Variants in ADAMTS17 observed in about 807,000 individuals in gnomAD.
The protein encoded by ADAMTS17 is A disintegrin and metalloproteinase with thrombospondin motifs 17.
Under a neutral mutation model 141.5 loss-of-function variants are expected in ADAMTS17, and 113 were observed. That is an observed-to-expected ratio of 0.80 (90% confidence interval 0.69 to 0.93). ADAMTS17 has a LOEUF of 0.93. ADAMTS17 is among the 40% of genes least tolerant of loss of function. ADAMTS17 has a pLI of 0.00. For missense variants in ADAMTS17, 1,659 were observed against 1,517.9 expected (o/e 1.09, Z -1.54); for synonymous variants, 768 against 630.6 (o/e 1.22, Z -3.27).
In ADAMTS17 at chr15:100,093,766, GCTGT is replaced by G. The variant is rs538400389; in HGVS notation, c.2137+2586_2137+2589del. 5.3e-3 allele frequency among the ~76,000 whole-genome samples: 810 copies of G among 152,284 alleles called. 3 individuals carry two copies. Among genetic ancestry groups the G allele is most frequent in the South Asian group, 0.027 (132 of 4,814 alleles). ...CCACCTCATGCTCACATAGGCTGAT[GCTGT>G]CTGTTTGCCCGGGGGTCCCCTCCCT... On this transcript the variant is annotated intron_variant, in intron 15 of 21. Coordinates refer to ENST00000268070, the MANE Select transcript of ADAMTS17 (RefSeq NM_139057.4).
At chr15:100,234,367 A>G (rs1438567606) in intron 7 of ADAMTS17, among the ~76,000 whole-genome samples, 2 of 152,176 alleles carry the variant, frequency 1.3e-5, no homozygotes, top group Non-Finnish European at 2.9e-5. Flanking sequence ...CGCCTGGCAT[A>G]TGGTAGTCCA....
In ADAMTS17 at chr15:99,976,362, C is replaced by A. The variant is rs543255276; in HGVS notation, c.2950-140G>T. The stretch of plus-strand genomic sequence containing the variant: ...TCAGGGGGCTGGGATGATGGCCTCA[C>A]AATGTGGCACTGCGGAGACAGGACA... On this transcript the variant is annotated intron_variant, in intron 20 of 21. Transcript: ENST00000268070. 398 of 1,075,810 alleles carry A rather than the reference C, an allele frequency of 3.7e-4. 2 individuals are homozygous for A. Among genetic ancestry groups the A allele is most frequent in the Non-Finnish European group, 4.7e-4 (346 of 731,802 alleles). The allele number at this position is 1,075,810 out of a possible 1,614,324, so 66.6% of individuals were successfully genotyped here. A position where few individuals can be genotyped will look rare whatever the true frequency, so the allele number is the denominator to read the frequency against.
intron 3 of ADAMTS17, among the ~76,000 whole-genome samples, chr15:100,294,200 A>C (rs1253764481): frequency 6.6e-6 from 1 of 152,186 alleles, no homozygotes; most frequent in East Asian, 1.9e-4. Flanking sequence ...GCTGTTAATT[A>C]TTAGGGTCTA....
intron 8 of ADAMTS17, among the ~76,000 whole-genome samples, chr15:100,188,278 T>C (rs894165919): frequency 2.0e-5 from 3 of 151,942 alleles, no homozygotes; most frequent in African/African-American, 7.3e-5. Context: ...GGTTTCTCCA[T>C]GTTGGTCAGG....
At chr15:100,206,900 A>C (rs2041591396) in intron 7 of ADAMTS17, among the ~76,000 whole-genome samples, 1 of 152,168 alleles carries the variant, frequency 6.6e-6, no homozygotes, top group Non-Finnish European at 1.5e-5. Flanking sequence ...CAGTTATTAG[A>C]GCAGCCACAG....
rs139017850 is a variant in ADAMTS17, at chr15:100,108,843, G to A, written c.2016+146C>T. 8.6e-4 allele frequency: 1,185 copies of A among 1,375,244 alleles called. 5 individuals are homozygous for A. Among genetic ancestry groups the A allele is most frequent in the African/African-American group, 7.0e-3 (495 of 70,376 alleles). The allele number at this position is 1,375,244 out of a possible 1,614,324, so 85.2% of individuals were successfully genotyped here. A position where few individuals can be genotyped will look rare whatever the true frequency, so the allele number is the denominator to read the frequency against. ...GGTTGGTGCACCAGGCAACACTGGC[G>A]GCAGGAGGCGGCATCACTGGGTGCC... is the stretch of plus-strand genomic sequence containing the variant. On this transcript the variant is annotated intron_variant, in intron 14 of 21. Transcript: ENST00000268070.
chr15:100,332,244 GA>G (rs953572856), intron 2 of ADAMTS17, among the ~76,000 whole-genome samples: 10 of 152,362 alleles, frequency 6.6e-5, no homozygotes, highest in African/African-American at 2.4e-4. Context: ...CCTTCAAAGT[GA>G]AAACTTGAGT....
chr15:100,292,948 AC>A (rs1449943252), intron 3 of ADAMTS17, among the ~76,000 whole-genome samples: 1 of 152,228 alleles, frequency 6.6e-6, no homozygotes, highest in Non-Finnish European at 1.5e-5. Context: ...GGAAGACCCC[AC>A]AGAGGGACCA....
intron 18 of ADAMTS17, among the ~76,000 whole-genome samples, chr15:100,036,138 A>G (rs539634211): frequency 6.6e-6 from 1 of 152,234 alleles, no homozygotes; most frequent in South Asian, 2.1e-4. Flanking sequence ...TCTTTGTCAG[A>G]GTCTTTGGGA....
At chr15:100,163,021 T>C (rs1456672079) in intron 8 of ADAMTS17, among the ~76,000 whole-genome samples, 1 of 146,322 alleles carries the variant, frequency 6.8e-6, no homozygotes, top group African/African-American at 2.5e-5. Flanking sequence ...TATATAACTA[T>C]ATATGTATAT....
At chr15:100,068,468 T>G (rs373691582) in intron 15 of ADAMTS17, among the ~76,000 whole-genome samples, 1 of 152,226 alleles carries the variant, frequency 6.6e-6, no homozygotes, top group South Asian at 2.1e-4. Flanking sequence ...AGTGGGTCCC[T>G]GACCCCTGAG....
chr15:100,184,981 T>C (rs1171090423), intron 8 of ADAMTS17, among the ~76,000 whole-genome samples: 1 of 152,232 alleles, frequency 6.6e-6, no homozygotes, highest in African/African-American at 2.4e-5. Flanking sequence ...AATTCAGACA[T>C]GCTCCTCAGT....
chr15:100,284,316 A>G (rs1166995738), intron 3 of ADAMTS17, among the ~76,000 whole-genome samples: 1 of 152,204 alleles, frequency 6.6e-6, no homozygotes, highest in African/African-American at 2.4e-5. Context: ...GGTTTTCACA[A>G]GCTTCCACTA....
At position 99,976,305 on chromosome 15, in the gene ADAMTS17, A is replaced by G. The variant is rs980138588; in HGVS notation, c.2950-83T>C. On this transcript the variant is annotated intron_variant, in intron 20 of 21. Coordinates refer to ENST00000268070, the MANE Select transcript of ADAMTS17 (RefSeq NM_139057.4). Reference sequence around the variant, plus strand: ...GGCCTCACAATGTGGCACTGCGGAGACAGGACAGCCTGAGTGGGGGCCTAC... The same window carrying G: ...GGCCTCACAATGTGGCACTGCGGAGGCAGGACAGCCTGAGTGGGGGCCTAC... The G allele has an allele frequency of 7.3e-6, 11 of 1,504,274 alleles. No individual in the cohort carries two copies. In the Admixed American group the frequency reaches 2.0e-4, roughly 27 times the overall value. The allele number at this position is 1,504,274 out of a possible 1,614,324, so 93.2% of individuals were successfully genotyped here. A position where few individuals can be genotyped will look rare whatever the true frequency, so the allele number is the denominator to read the frequency against.
rs75461239 is a variant in ADAMTS17, at chr15:100,229,126, A to G, written c.1075+25010T>C. Among the ~76,000 whole-genome samples, 1,254 of 152,258 alleles carry G rather than the reference A, an allele frequency of 8.2e-3. 11 individuals carry two copies. The highest frequency in any genetic ancestry group is 0.043 in the South Asian group (207 of 4,828). On this transcript the variant is annotated intron_variant, in intron 7 of 21. Coordinates refer to ENST00000268070, the MANE Select transcript of ADAMTS17 (RefSeq NM_139057.4). ...GAGGGGAAGATGGTTCTTATGGAGT[A>G]TCCCTGAAGACCCCAACAGAGTAGC...
intron 15 of ADAMTS17, among the ~76,000 whole-genome samples, chr15:100,071,379 C>T (rs1258329472): frequency 6.7e-6 from 1 of 149,922 alleles, no homozygotes; most frequent in Non-Finnish European, 1.5e-5. Context: ...GGAATCCTCC[C>T]TAACTCATTT....
At chr15:100,148,845 CTCAAAAAAGG>C (rs2141333058) in intron 10 of ADAMTS17, among the ~76,000 whole-genome samples, 2 of 150,228 alleles carry the variant, frequency 1.3e-5, no homozygotes, top group African/African-American at 4.9e-5. Context: ...AAAAACAGAA[CTCAAAAAAGG>C]TGACGGAATT....
chr15:100,092,733 A>G (rs2035543864), intron 15 of ADAMTS17, among the ~76,000 whole-genome samples: 1 of 152,044 alleles, frequency 6.6e-6, no homozygotes, highest in Non-Finnish European at 1.5e-5. Flanking sequence ...AGGGATCCTC[A>G]CCCCACCCTT....
chr15:100,296,799 C>G (rs745568610), intron 3 of ADAMTS17, among the ~76,000 whole-genome samples: 4 of 152,192 alleles, frequency 2.6e-5, no homozygotes, highest in Non-Finnish European at 5.9e-5. Context: ...TCCATGGTTA[C>G]AGCCATGTAG....
Sources: allele counts gnomAD v4.1 joint callset (sites outside exome capture counted in the v4.1 genomes callset), GRCh38; gene constraint gnomAD v4.1.1; transcripts MANE v1.5; gene names NCBI Gene and HGNC (gene_info 2026-07-23, HGNC 2026-07-21).